Variants in PIP5K1B observed in about 807,000 individuals in gnomAD.
PIP5K1B encodes phosphatidylinositol-4-phosphate 5-kinase type 1 beta.
In PIP5K1B, 42 loss-of-function variants were observed where a neutral mutation model predicts 67.0. The observed-to-expected ratio is 0.63, with a 90% CI of 0.49 to 0.81. The LOEUF (loss-of-function observed/expected upper bound fraction) is 0.81. Ranked by LOEUF, PIP5K1B falls within the 30% of genes least tolerant of loss-of-function variation. The probability of loss-of-function intolerance (pLI) is 0.00; values close to 1 mark genes in which losing one functional copy is unlikely to be tolerated. For synonymous variants in PIP5K1B, 214 were observed against 231.4 expected (o/e 0.92, Z 0.68); for missense variants, 459 against 646.3 (o/e 0.71, Z 3.14).
intron 15 of PIP5K1B, among the ~76,000 whole-genome samples, chr9:69,000,651 T>C (rs967160804): frequency 2.6e-5 from 4 of 152,308 alleles, no homozygotes; most frequent in African/African-American, 9.6e-5. Context: ...AAATTCCCCT[T>C]TGCATAAGGA....
chr9:68,919,381 G>A, intron 9 of PIP5K1B, 98 bp from the exon 10 acceptor site: 1 of 618,124 alleles, frequency 1.6e-6, no homozygotes, highest in Non-Finnish European at 2.8e-6. Flanking sequence ...CTTAAAAATT[G>A]TCAATTTTTA....
At chr9:68,989,094 CAAAAA>C (rs71353097) in intron 14 of PIP5K1B, among the ~76,000 whole-genome samples, 1 of 55,984 alleles carries the variant, frequency 1.8e-5, no homozygotes, top group Non-Finnish European at 3.0e-5. Flanking sequence ...GACTCCGTCT[CAAAAA>C]AAAAAAAAAA....
Position 68,894,536 on chromosome 9 carries a change from C to T in PIP5K1B, c.669C>T (p.Pro223=), listed in dbSNP as rs771876666. ...GTAAAGAGAGAGAGAAATCCAACCCCACATTTAAGGACTTAGATTTCCTGC... is the reference window on the plus strand; with the variant it reads ...GTAAAGAGAGAGAGAAATCCAACCCTACATTTAAGGACTTAGATTTCCTGC... ...ASRKEREKSN[P]TFKDLDFLQD... The change falls in exon 8 of 16, where the codon CCC becomes CCT. Residue 223 remains proline, a synonymous_variant. Coordinates refer to ENST00000265382, the MANE Select transcript of PIP5K1B (RefSeq NM_003558.4). The T allele has an allele frequency of 2.5e-6, 4 of 1,613,960 alleles. No individual in the cohort carries two copies. Among genetic ancestry groups the T allele is most frequent in the Non-Finnish European group, 3.4e-6 (4 of 1,179,978 alleles).
intron 8 of PIP5K1B, among the ~76,000 whole-genome samples, chr9:68,903,008 C>A (rs1022162295): frequency 6.6e-6 from 1 of 152,172 alleles, no homozygotes; most frequent in Non-Finnish European, 1.5e-5. Flanking sequence ...AAAAGGCCTG[C>A]GATACAGGAG....
chr9:68,809,014 TGAACATATGTATGTA>T (rs1459800482), intron 2 of PIP5K1B, among the ~76,000 whole-genome samples: 2 of 152,254 alleles, frequency 1.3e-5, no homozygotes, highest in Non-Finnish European at 2.9e-5. Flanking sequence ...ACCATATGTC[TGAACATATGTATGTA>T]GAAGTGGCCT....
At chr9:68,984,528 C>T (rs923084313) in intron 14 of PIP5K1B, among the ~76,000 whole-genome samples, 2 of 152,154 alleles carry the variant, frequency 1.3e-5, no homozygotes, top group Non-Finnish European at 2.9e-5. Flanking sequence ...TGGTACTTTA[C>T]TGTATAAATG....
At position 68,876,729 on chromosome 9, in the gene PIP5K1B, A is replaced by G; in HGVS notation, c.253A>G (p.Thr85Ala). Residue 85 changes from threonine (T) to alanine (A), a missense_variant, in exon 6 of 16, where the codon ACA becomes GCA. Coordinates refer to ENST00000265382, the MANE Select transcript of PIP5K1B (RefSeq NM_003558.4). ...TCACTACCCAGACTTTAGATTTAAGACATACGCTCCATTAGCATTCCGATA... is the reference window on the plus strand; with the variant it reads ...TCACTACCCAGACTTTAGATTTAAGGCATACGCTCCATTAGCATTCCGATA... ...AHHYPDFRFK[T>A]YAPLAFRYFR... The G allele has an allele frequency of 6.2e-7, 1 of 1,611,778 alleles. No individual in the cohort carries two copies. Among genetic ancestry groups the G allele is most frequent in the Non-Finnish European group, 8.5e-7 (1 of 1,177,842 alleles).
intron 4 of PIP5K1B, among the ~76,000 whole-genome samples, chr9:68,862,838 TAG>T (rs1414349696): frequency 7.0e-6 from 1 of 142,856 alleles, no homozygotes; most frequent in African/African-American, 2.6e-5. Flanking sequence ...TATATATATA[TAG>T]AAGTGGCTCC....
intron 12 of PIP5K1B, among the ~76,000 whole-genome samples, chr9:68,928,994 C>G (rs1037887029): frequency 2.0e-5 from 3 of 152,042 alleles, no homozygotes; most frequent in African/African-American, 7.2e-5. Flanking sequence ...GAAACCCCTT[C>G]TCTACTAAAA....
chr9:68,861,074 A>G lies in PIP5K1B; in HGVS notation c.70-2763A>G, dbSNP rs1269963215. Among the ~76,000 whole-genome samples the G allele has an allele frequency of 7.2e-5, 11 of 152,368 alleles. No individual in the cohort carries two copies. In the East Asian group the frequency reaches 2.1e-3, roughly 29 times the overall value. ...TGATCATAATTGTTATTATTCATATATCAAGTGCCTGGCATAAATTAGTTG... is the reference window on the plus strand; with the variant it reads ...TGATCATAATTGTTATTATTCATATGTCAAGTGCCTGGCATAAATTAGTTG... On this transcript the variant is annotated intron_variant, in intron 4 of 15. Transcript: ENST00000265382.
At chr9:68,910,998 T>C (rs1476570469) in intron 8 of PIP5K1B, among the ~76,000 whole-genome samples, 1 of 152,158 alleles carries the variant, frequency 6.6e-6, no homozygotes, top group African/African-American at 2.4e-5. Context: ...CACCAAGCAG[T>C]GGTGAGAGAC....
intron 4 of PIP5K1B, among the ~76,000 whole-genome samples, chr9:68,836,134 T>TA (rs1351838288): frequency 6.6e-6 from 1 of 152,178 alleles, no homozygotes; most frequent in Non-Finnish European, 1.5e-5. Context: ...AGACAACATC[T>TA]AAAACCCGTT....
intron 14 of PIP5K1B, chr9:68,963,332 A>C: frequency 2.4e-6 from 1 of 413,394 alleles, no homozygotes; most frequent in South Asian, 1.7e-5. Context: ...GTGAAACCCC[A>C]TCTCTACTAA....
chr9:68,936,889 A>T (rs1827289935), intron 13 of PIP5K1B, among the ~76,000 whole-genome samples: 2 of 152,132 alleles, frequency 1.3e-5, no homozygotes, highest in Non-Finnish European at 2.9e-5. Context: ...AATAGGATAA[A>T]CTTATTTTAA....
At chr9:68,837,228 G>C (rs970400885) in intron 4 of PIP5K1B, among the ~76,000 whole-genome samples, 1 of 152,180 alleles carries the variant, frequency 6.6e-6, no homozygotes, top group African/African-American at 2.4e-5. Context: ...CTTGGCCCAT[G>C]ACCTCAGGAA....
intron 15 of PIP5K1B, among the ~76,000 whole-genome samples, chr9:69,000,492 CAGA>C (rs1830774958): frequency 6.6e-6 from 1 of 152,036 alleles, no homozygotes; most frequent in Non-Finnish European, 1.5e-5. Context: ...TTCTGGAGGC[CAGA>C]AGTTCAAGAT....
intron 15 of PIP5K1B, among the ~76,000 whole-genome samples, chr9:69,004,337 T>TGTGTGTGTGTGTG (rs1564311765): frequency 6.1e-5 from 9 of 148,266 alleles, no homozygotes; most frequent in African/African-American, 2.0e-4. Flanking sequence ...GTGTGTGTTT[T>TGTGTGTGTGTGTG]TGTGTGTGTG....
intron 2 of PIP5K1B, among the ~76,000 whole-genome samples, chr9:68,760,968 G>GGTTTTA (rs756700742): frequency 2.6e-5 from 4 of 152,106 alleles, no homozygotes; most frequent in Non-Finnish European, 5.9e-5. Context: ...TGATCATTTT[G>GGTTTTA]GTTTTAGTTT....
intron 1 of PIP5K1B, among the ~76,000 whole-genome samples, chr9:68,740,379 C>T (rs150218812): frequency 6.6e-5 from 10 of 152,168 alleles, no homozygotes; most frequent in Non-Finnish European, 1.5e-4. Flanking sequence ...AGTTCTAATA[C>T]AGTATGATAC....
Sources: gnomAD v4.1 joint callset for allele counts (sites outside exome capture counted in the v4.1 genomes callset) on GRCh38, gnomAD v4.1.1 for gene constraint, MANE v1.5 for transcripts, NCBI Gene and HGNC (gene_info 2026-07-23, HGNC 2026-07-21) for gene names.